Variants in PHKA1 observed in about 807,000 individuals in gnomAD.
PHKA1 encodes the protein phosphorylase kinase regulatory subunit alpha 1, also known as phosphorylase b kinase regulatory subunit alpha, skeletal muscle isoform.
A neutral mutation model predicts 110.2 loss-of-function variants in PHKA1; 60 were observed. That is an observed-to-expected ratio of 0.54 (90% confidence interval 0.44 to 0.68). PHKA1 has a LOEUF of 0.68. Ranked by LOEUF, PHKA1 falls within the 30% of genes least tolerant of loss-of-function variation. The pLI is 0.00. For synonymous variants in PHKA1, 316 were observed against 333.6 expected (o/e 0.95, Z 0.58); for missense variants, 801 against 942.5 (o/e 0.85, Z 1.97).
Position 72,635,215 on chromosome X carries a change from T to A in PHKA1, c.1654A>T (p.Ser552Cys). 8.3e-7 allele frequency: 1 copy of A among 1,211,532 alleles called. No homozygotes were observed. Among genetic ancestry groups the A allele is most frequent in the Non-Finnish European group, 1.1e-6 (1 of 895,140 alleles). ...GGCTGGCCTGTCATCCGCCAGCGGCTACAGAGGTAGGAGAGGTCTGTTCTA... is the reference window on the plus strand; with the variant it reads ...GGCTGGCCTGTCATCCGCCAGCGGCAACAGAGGTAGGAGAGGTCTGTTCTA... The part of the protein sequence containing the change: ...MLRTDLSYLC[S>C]RWRMTGQPTI... Residue 552 changes from serine to cysteine, a missense_variant, in exon 16 of 32, where the codon AGC becomes TGC. Physicochemically the swap from Ser to Cys is moderately radical, Grantham distance 112 (BLOSUM62 -1). This residue lies in a region of PHKA1 where 299 missense variants were observed against 423.3 expected (regional missense o/e 0.71). Transcript: ENST00000373542.
intron 6 of PHKA1, among the ~76,000 whole-genome samples, chrX:72,668,822 G>T (rs1326783309): frequency 9.0e-6 from 1 of 111,230 alleles, no homozygotes; most frequent in African/African-American, 3.3e-5. Context: ...CAGCACCAAG[G>T]ATAAGACTCA....
At chrX:72,699,988 T>C (rs1364913187) in intron 3 of PHKA1, among the ~76,000 whole-genome samples, 2 of 112,107 alleles carry the variant, frequency 1.8e-5, no homozygotes, top group African/African-American at 6.5e-5. Context: ...GCAAAACCAG[T>C]ATATGGACCC....
At chrX:72,621,430 C>T (rs1381588565) in intron 18 of PHKA1, among the ~76,000 whole-genome samples, 3 of 111,687 alleles carry the variant, frequency 2.7e-5, no homozygotes, top group Non-Finnish European at 5.6e-5. Context: ...TGGATATGGT[C>T]CCTATCTTCT....
chrX:72,624,862 G>A (rs1556281806), intron 17 of PHKA1, among the ~76,000 whole-genome samples: 1 of 111,597 alleles, frequency 9.0e-6, no homozygotes, highest in African/African-American at 3.3e-5. Context: ...TCCAAATTGT[G>A]AGATGTTCTG....
chrX:72,598,799 G>A (rs1336425258), intron 28 of PHKA1, among the ~76,000 whole-genome samples: 1 of 111,556 alleles, frequency 9.0e-6, no homozygotes, highest in Admixed American at 9.5e-5. Flanking sequence ...TAAGATAGAA[G>A]ATAATAGAAA....
intron 16 of PHKA1, among the ~76,000 whole-genome samples, chrX:72,628,596 ATT>A (rs57263040): frequency 8.4e-5 from 8 of 95,218 alleles, no homozygotes; most frequent in African/African-American, 3.4e-4. Flanking sequence ...ATATATATAT[ATT>A]TTTTTTTTTC....
At chrX:72,650,200 A>G (rs1254873194) in intron 13 of PHKA1, among the ~76,000 whole-genome samples, 190 bp downstream of exon 13, 2 of 111,795 alleles carry the variant, frequency 1.8e-5, no homozygotes, top group African/African-American at 6.5e-5. Context: ...GACATAGAAC[A>G]TCATTCATTT....
At chrX:72,673,830 G>A (rs1389618012) in intron 6 of PHKA1, among the ~76,000 whole-genome samples, 4 of 108,614 alleles carry the variant, frequency 3.7e-5, no homozygotes, top group Non-Finnish European at 5.7e-5. Flanking sequence ...TATACTTTAA[G>A]TTTTAGGGTA....
intron 6 of PHKA1, among the ~76,000 whole-genome samples, chrX:72,667,857 T>C (rs2053632850): frequency 8.9e-6 from 1 of 111,936 alleles, no homozygotes; most frequent in African/African-American, 3.2e-5. Context: ...ACACTCCTTA[T>C]AGAATACTTT....
chrX:72,587,294 A>G (rs1437363948), intron 29 of PHKA1, among the ~76,000 whole-genome samples: 1 of 111,764 alleles, frequency 8.9e-6, no homozygotes, highest in African/African-American at 3.3e-5. Context: ...TTCTTAAAGA[A>G]AAGAAATTTC....
At chrX:72,644,959 G>C (rs1488260740) in intron 13 of PHKA1, among the ~76,000 whole-genome samples, 1 of 111,532 alleles carries the variant, frequency 9.0e-6, no homozygotes, top group African/African-American at 3.3e-5. Flanking sequence ...TGGTGAATTG[G>C]GGATAACAAT....
Position 72,582,573 on chromosome X carries a change from G to A in PHKA1, c.3323C>T (p.Ser1108Phe). The A allele has an allele frequency of 8.4e-7, 1 of 1,196,583 alleles. No homozygotes were observed. Residue 1108 changes from serine (S) to phenylalanine (F), a missense_variant, in exon 31 of 32, where the codon TCT becomes TTT. Physicochemically the swap from Ser to Phe is radical, Grantham distance 155. Coordinates refer to ENST00000373542, the MANE Select transcript of PHKA1 (RefSeq NM_002637.4). The stretch of plus-strand genomic sequence containing the variant: ...ATTCAGGACAGACTCCACATGAACA[G>A]AGAATTTAATCTCACCTGGAGTCAT... ...REMTPGEIKF[S>F]VHVESVLNRV... is the part of the protein sequence containing the mutation.
chrX:72,666,612 A>G (rs1556306515), intron 7 of PHKA1, among the ~76,000 whole-genome samples: 1 of 111,717 alleles, frequency 9.0e-6, no homozygotes, highest in African/African-American at 3.3e-5. Context: ...CCCTATCCTG[A>G]TTCTTAACCA....
intron 5 of PHKA1, among the ~76,000 whole-genome samples, chrX:72,676,631 A>G (rs2147794663): frequency 8.9e-6 from 1 of 111,925 alleles, no homozygotes; most frequent in African/African-American, 3.2e-5. Flanking sequence ...GAAACTGATG[A>G]TGCAAAGAGA....
At chrX:72,653,553 A>G in intron 10 of PHKA1, 23 bp from the exon 11 acceptor site, 1 of 1,048,082 alleles carries the variant, frequency 9.5e-7, no homozygotes, top group Non-Finnish European at 1.3e-6. Context: ...GAAAGGCAGG[A>G]AAAAAAGACT....
At chrX:72,709,196 C>G (rs903937480) in intron 2 of PHKA1, among the ~76,000 whole-genome samples, 1 of 110,421 alleles carries the variant, frequency 9.1e-6, no homozygotes, top group Non-Finnish European at 1.9e-5. Context: ...AATGACCACA[C>G]AAAAAGAACA....
Position 72,619,300 on chromosome X carries a change from G to A in PHKA1, c.2143C>T (p.His715Tyr). The A allele has an allele frequency of 8.8e-7, 1 of 1,141,702 alleles. No homozygotes were observed. Among genetic ancestry groups the A allele is most frequent in the Non-Finnish European group, 1.2e-6 (1 of 833,050 alleles). 94.1% of individuals were successfully genotyped at this position (1,141,702 alleles called of 1,213,427 possible). The change falls in exon 20 of 32, where the codon CAC becomes TAC. Residue 715 changes from histidine to tyrosine, a missense_variant. His to Tyr is a moderately conservative substitution (Grantham distance 83, BLOSUM62 2). Around this residue, in one of 2 missense-constraint regions of PHKA1, gnomAD observed 502 missense variants for 519.2 expected, o/e 0.97. Coordinates refer to ENST00000373542, the MANE Select transcript of PHKA1 (RefSeq NM_002637.4). ...AATAACTTCGTAGGAAGATACATGT[G>A]AACATCTGCAAAAATATGACATTTA... is the stretch of plus-strand genomic sequence containing the variant. ...KAKELHVQNV[H>Y]MYLPTKLFQA... is the part of the protein sequence containing the mutation.
chrX:72,688,147 T>C (rs2053990958), intron 4 of PHKA1, among the ~76,000 whole-genome samples: 1 of 111,698 alleles, frequency 9.0e-6, no homozygotes, highest in African/African-American at 3.3e-5. Flanking sequence ...CTTTGATCTA[T>C]TAACATATAT....
chrX:72,708,903 A>T (rs929620879), intron 2 of PHKA1, among the ~76,000 whole-genome samples: 4 of 111,939 alleles, frequency 3.6e-5, no homozygotes, highest in Admixed American at 1.9e-4. Context: ...TCCACAGAAC[A>T]TACTATGGGA....
Sources: gnomAD v4.1 joint callset for allele counts (sites outside exome capture counted in the v4.1 genomes callset) on GRCh38, gnomAD v4.1.1 for gene constraint, gnomAD v4.1.1 regional missense constraint, MANE v1.5 for transcripts, NCBI Gene and HGNC (gene_info 2026-07-23, HGNC 2026-07-21) for gene names.